The following MID1 variants were observed in gnomAD, a reference collection of about 807,000 sequenced individuals.
The protein encoded by MID1 is E3 ubiquitin-protein ligase Midline-1.
In MID1, 7 loss-of-function variants were observed where a neutral mutation model predicts 40.4. The ratio of observed to expected loss-of-function variants is 0.17; its 90% CI spans 0.10 to 0.33. The LOEUF (loss-of-function observed/expected upper bound fraction) is 0.33, where lower values mean the gene tolerates loss of function less well. MID1 is among the 10% of genes least tolerant of loss of function. The probability of loss-of-function intolerance (pLI) is 1.00; values close to 1 mark genes in which losing one functional copy is unlikely to be tolerated. For missense variants in MID1, 367 were observed against 558.5 expected (o/e 0.66, Z 3.46); for synonymous variants, 229 against 221.2 (o/e 1.04, Z -0.31).
intron 1 of MID1, among the ~76,000 whole-genome samples, chrX:10,814,095 T>A (rs192244915): frequency 8.9e-6 from 1 of 112,002 alleles, no homozygotes; most frequent in South Asian, 3.7e-4. Flanking sequence ...TTCTAAAATT[T>A]TTTTCAAATT....
intron 1 of MID1, among the ~76,000 whole-genome samples, chrX:10,832,342 G>T (rs2044258150): frequency 8.9e-6 from 1 of 112,466 alleles, no homozygotes; most frequent in African/African-American, 3.2e-5. Flanking sequence ...ACTAGGGAAT[G>T]GACTATGACT....
chrX:10,551,313 T>C (rs1352545867), intron 2 of MID1, among the ~76,000 whole-genome samples: 1 of 112,339 alleles, frequency 8.9e-6, no homozygotes, highest in African/African-American at 3.2e-5. Context: ...ATGTACATGG[T>C]ATTATTTTAT....
intron 4 of MID1, among the ~76,000 whole-genome samples, chrX:10,484,477 C>A (rs1375489132): frequency 9.0e-6 from 1 of 111,668 alleles, no homozygotes; most frequent in Non-Finnish European, 1.9e-5. Context: ...AGTGACATAA[C>A]AGGAAAAAGA....
chrX:10,816,088 C>G (rs1209270175), intron 1 of MID1, among the ~76,000 whole-genome samples: 2 of 111,979 alleles, frequency 1.8e-5, no homozygotes, highest in Admixed American at 1.9e-4. Context: ...TTTCCTAGCT[C>G]TCACTCGGAG....
At chrX:10,820,377 CTA>C (rs1443316160) in intron 1 of MID1, among the ~76,000 whole-genome samples, 1 of 111,909 alleles carries the variant, frequency 8.9e-6, no homozygotes, top group Non-Finnish European at 1.9e-5. Context: ...TAATGTGAAT[CTA>C]TGATTCACAC....
chrX:10,577,888 C>T (rs1425175004), intron 1 of MID1, among the ~76,000 whole-genome samples: 1 of 108,458 alleles, frequency 9.2e-6, no homozygotes, highest in Non-Finnish European at 1.9e-5. Context: ...TATCACCATG[C>T]AAGACAAGAA....
At chrX:10,629,841 T>A (rs753740337) in intron 1 of MID1, among the ~76,000 whole-genome samples, 18 of 112,203 alleles carry the variant, frequency 1.6e-4, no homozygotes, top group Non-Finnish European at 3.0e-4. Flanking sequence ...ATCGATTTCA[T>A]TAGCAACATA....
intron 1 of MID1, among the ~76,000 whole-genome samples, chrX:10,701,949 A>G (rs2043196362): frequency 1.8e-5 from 2 of 112,962 alleles, no homozygotes; most frequent in South Asian, 7.3e-4. Flanking sequence ...ATTCTGCCAG[A>G]AGTACATAGT....
chrX:10,737,797 A>G (rs752617633), intron 1 of MID1, among the ~76,000 whole-genome samples: 2 of 111,276 alleles, frequency 1.8e-5, no homozygotes, highest in South Asian at 7.8e-4. Context: ...GCAAGAAAGC[A>G]GAAGTAGAAA....
At chrX:10,497,286 C>T (rs1420078106) in intron 3 of MID1, among the ~76,000 whole-genome samples, 5 of 112,177 alleles carry the variant, frequency 4.5e-5, no homozygotes, top group Non-Finnish European at 7.5e-5. Flanking sequence ...GTAGCACTGA[C>T]GAAGCTTCTT....
intron 4 of MID1, among the ~76,000 whole-genome samples, chrX:10,486,341 C>G (rs1930615689): frequency 8.9e-6 from 1 of 112,083 alleles, no homozygotes; most frequent in Admixed American, 9.5e-5. Flanking sequence ...CTTGCTCCAC[C>G]TGCCCACTTC....
intron 1 of MID1, among the ~76,000 whole-genome samples, chrX:10,695,081 C>T (rs2043154051): frequency 8.9e-6 from 1 of 111,847 alleles, no homozygotes; most frequent in Admixed American, 9.5e-5. Context: ...TGCAACTTCC[C>T]CAATTACTCC....
At chrX:10,610,335 C>T (rs2147531922) in intron 1 of MID1, among the ~76,000 whole-genome samples, 1 of 112,416 alleles carries the variant, frequency 8.9e-6, no homozygotes, top group East Asian at 2.8e-4. Context: ...CCGCCCCATA[C>T]AAACTGATGA....
At chrX:10,505,527 A>G (rs1931785973) in intron 3 of MID1, 1 of 752,177 alleles carries the variant, frequency 1.3e-6, no homozygotes, top group Admixed American at 8.7e-5. Context: ...AAAGAAATCT[A>G]CTTAACCTGC....
In MID1 at chrX:10,445,825, A is replaced by G. The variant is rs777184185; in HGVS notation, c.*3543T>C. The G allele has an allele frequency of 3.6e-5, 4 of 111,983 alleles. No homozygotes were observed. The highest frequency in any genetic ancestry group is 1.9e-4 in the Admixed American group (2 of 10,582). The allele number at this position is 111,983 out of a possible 1,213,427, so 9.2% of individuals were successfully genotyped here. A position where few individuals can be genotyped will look rare whatever the true frequency, so the allele number is the denominator to read the frequency against. ...TATTTTATAAATATTTTTAAAGGTG[A>G]TGGAGCCACTGGAGTGTAGGTGAAT... On this transcript the variant is annotated 3_prime_UTR_variant, in exon 10 of 10. Transcript: ENST00000317552.
chrX:10,461,875 C>T (rs1219228212), intron 7 of MID1, among the ~76,000 whole-genome samples: 1 of 111,813 alleles, frequency 8.9e-6, no homozygotes, highest in Non-Finnish European at 1.9e-5. Flanking sequence ...TCAAAGAAAG[C>T]AAGTGTAAAA....
intron 3 of MID1, 132 bp downstream of exon 3, chrX:10,522,960 A>AT: frequency 1.9e-6 from 1 of 536,198 alleles, no homozygotes; most frequent in Non-Finnish European, 3.2e-6. Flanking sequence ...TCCATCTTTT[A>AT]TTTTGGCTTT....
At chrX:10,730,760 T>A (rs1436997067) in intron 1 of MID1, among the ~76,000 whole-genome samples, 3 of 108,826 alleles carry the variant, frequency 2.8e-5, no homozygotes, top group African/African-American at 1.0e-4. Context: ...TTTTTTAGTA[T>A]AGAAGGGGTT....
chrX:10,815,006 G>A (rs2044126636), intron 1 of MID1, among the ~76,000 whole-genome samples: 1 of 111,930 alleles, frequency 8.9e-6, no homozygotes, highest in Admixed American at 9.5e-5. Context: ...ATCTCTGAAT[G>A]TTTGTGTGCA....
Sources: allele counts gnomAD v4.1 joint callset (sites outside exome capture counted in the v4.1 genomes callset), GRCh38; gene constraint gnomAD v4.1.1; transcripts MANE v1.5; gene names NCBI Gene and HGNC (gene_info 2026-07-23, HGNC 2026-07-21).